The following MIA2 variants were observed in gnomAD, a reference collection of about 807,000 sequenced individuals.
MIA2 encodes melanoma inhibitory activity protein 2.
In MIA2, 127 loss-of-function variants were observed where a neutral mutation model predicts 167.8. That is an observed-to-expected ratio of 0.76 (90% CI 0.66 to 0.88). MIA2 has a LOEUF of 0.88. Ranked by LOEUF, MIA2 falls within the 40% of genes least tolerant of loss-of-function variation. The probability of loss-of-function intolerance (pLI) is 0.00; values close to 1 mark genes in which losing one functional copy is unlikely to be tolerated. For synonymous variants in MIA2, 552 were observed against 541.9 expected, an observed-to-expected ratio of 1.02 and a Z score of -0.26; for missense variants, 1,690 against 1,624.7, an observed-to-expected ratio of 1.04 and a Z score of -0.69.
intron 15 of MIA2, among the ~76,000 whole-genome samples, 200 bp from the exon 16 acceptor site, chr14:39,303,278 G>A (rs2062817754): frequency 6.6e-6 from 1 of 152,082 alleles, no homozygotes. Context: ...TTGTTAAATG[G>A]TATGACACTT....
Position 39,285,589 on chromosome 14 carries a change from G to A in MIA2, c.2131-5430G>A, listed in dbSNP as rs569916042. Among the ~76,000 whole-genome samples, 957 of 146,660 alleles carry A rather than the reference G, an allele frequency of 6.5e-3. 10 individuals are homozygous for A. Among genetic ancestry groups the A allele is most frequent in the African/African-American group, 0.022 (871 of 39,048 alleles). On this transcript the variant is annotated intron_variant, in intron 9 of 28. Transcript: ENST00000640607. The stretch of plus-strand genomic sequence containing the variant: ...GGGCTGACCCCCCGACCTCCCTCCC[G>A]GACGGGGCGGCTGGCCGGGCGGGGG...
chr14:39,288,454 TATATATATATATATATA>T lies in MIA2; in HGVS notation c.2131-2564_2131-2548del, dbSNP rs1437493365. Among the ~76,000 whole-genome samples, 42 of 13,870 alleles carry T rather than the reference TATATATATATATATATA, an allele frequency of 3.0e-3. 2 individuals carry two copies. The highest frequency in any genetic ancestry group is 3.7e-3 in the Non-Finnish European group (18 of 4,842). The allele number at this position is 13,870 out of a possible 152,430, so 9.1% of individuals were successfully genotyped here. A position where few individuals can be genotyped will look rare whatever the true frequency, so the allele number is the denominator to read the frequency against. Reference sequence around the variant, plus strand: ...ATACATATATATATATATATATATATATATATATATATATATATATATTTTTTTTTTTTTTTTTGAGA... The same window carrying T: ...ATACATATATATATATATATATATATTATATTTTTTTTTTTTTTTTTGAGA... On this transcript the variant is annotated intron_variant, in intron 9 of 28. Coordinates refer to ENST00000640607, the MANE Select transcript of MIA2 (RefSeq NM_001329214.4).
intron 11 of MIA2, 93 bp from the exon 12 acceptor site, chr14:39,293,907 G>A (rs956108): frequency 0.27 from 254,010 of 934,208 alleles, 35,927 homozygotes; most frequent in East Asian, 0.49. Flanking sequence ...CACTTATGGA[G>A]CTAAAGTGTT....
At chr14:39,308,272 A>G (rs1438994188) in intron 17 of MIA2, among the ~76,000 whole-genome samples, 177 bp from the exon 18 acceptor site, 1 of 152,154 alleles carries the variant, frequency 6.6e-6, no homozygotes, top group Non-Finnish European at 1.5e-5. Context: ...TTATGTGTCA[A>G]TCAACTAATA....
intron 2 of MIA2, among the ~76,000 whole-genome samples, chr14:39,237,809 T>C (rs1414275989): frequency 6.6e-6 from 1 of 151,968 alleles, no homozygotes. Context: ...GCGCGATCTC[T>C]GCTAACTGCA....
In MIA2 at chr14:39,364,290, A is replaced by T. The variant is rs559726254; in HGVS notation, c.2248+15313A>T. Reference sequence around the variant, plus strand: ...GGAGAATCACTTGAACCCAAGAGGCAGAAGTTGCAGTGAGCTGATATCATC... The same window carrying T: ...GGAGAATCACTTGAACCCAAGAGGCTGAAGTTGCAGTGAGCTGATATCATC... On this transcript the variant is annotated intron_variant, in intron 23 of 23. Coordinates refer to the MIA2 transcript ENST00000341502. 3.9e-5 allele frequency among the ~76,000 whole-genome samples: 6 copies of T among 152,226 alleles called. No individual in the cohort carries two copies. In the South Asian group the frequency reaches 1.2e-3, roughly 32 times the overall value.
chr14:39,262,988 C>T (rs1306015027), intron 6 of MIA2, among the ~76,000 whole-genome samples: 1 of 152,198 alleles, frequency 6.6e-6, no homozygotes, highest in African/African-American at 2.4e-5. Context: ...CCCTCTTTTC[C>T]TAACTGAATA....
At chr14:39,348,619 T>G in intron 27 of MIA2, 124 bp from the exon 28 acceptor site, 4 of 1,364,988 alleles carry the variant, frequency 2.9e-6, no homozygotes, top group South Asian at 2.5e-5. Context: ...AATCTTTCTC[T>G]AGAGCTTTCT....
chr14:39,254,970 C>T (rs2054750594), intron 6 of MIA2, among the ~76,000 whole-genome samples: 1 of 152,140 alleles, frequency 6.6e-6, no homozygotes, highest in Non-Finnish European at 1.5e-5. Flanking sequence ...GTTTCCAGCT[C>T]AGGGACCTGA....
rs1188067204 is a variant in MIA2 at position 39,368,200 on chromosome 14, C to T, written c.2249-18685C>T. On this transcript the variant is annotated intron_variant, in intron 23 of 23. Coordinates refer to the MIA2 transcript ENST00000341502. The stretch of plus-strand genomic sequence containing the variant: ...AGAACACCTGTGAAGGATTAAGGGG[C>T]GAGAGAGCAAAATTAGATTGGAGAG... Among the ~76,000 whole-genome samples the T allele has an allele frequency of 2.6e-5, 4 of 152,170 alleles. No individual in the cohort carries two copies. In the South Asian group the frequency reaches 6.2e-4, roughly 24 times the overall value.
At chr14:39,377,416 T>A (rs2075065711) in intron 23 of MIA2, among the ~76,000 whole-genome samples, 1 of 152,082 alleles carries the variant, frequency 6.6e-6, no homozygotes, top group African/African-American at 2.4e-5. Context: ...AAAGCTTAAT[T>A]TTTAGTGATT....
chr14:39,272,319 T>A (rs930898233), intron 6 of MIA2, among the ~76,000 whole-genome samples: 1 of 152,014 alleles, frequency 6.6e-6, no homozygotes, highest in East Asian at 1.9e-4. Context: ...GCCATTGCAC[T>A]CCATCCTGGG....
chr14:39,307,303 G>A (rs2063497146), intron 17 of MIA2, among the ~76,000 whole-genome samples: 2 of 151,294 alleles, frequency 1.3e-5, no homozygotes, highest in African/African-American at 2.4e-5. Flanking sequence ...CTTTAGTGGC[G>A]TTTAGCTCTA....
intron 6 of MIA2, among the ~76,000 whole-genome samples, chr14:39,271,936 C>T (rs1471982481): frequency 6.6e-6 from 1 of 152,156 alleles, no homozygotes; most frequent in Non-Finnish European, 1.5e-5. Context: ...GAAAGTCCCC[C>T]TGTGTGGCTG....
At chr14:39,268,425 C>T (rs1323386559) in intron 6 of MIA2, among the ~76,000 whole-genome samples, 1 of 150,808 alleles carries the variant, frequency 6.6e-6, no homozygotes, top group African/African-American at 2.5e-5. Flanking sequence ...TGGCCACTAG[C>T]ATCATGTTGT....
intron 3 of MIA2, among the ~76,000 whole-genome samples, chr14:39,245,924 C>G (rs1012928511): frequency 6.6e-6 from 1 of 152,040 alleles, no homozygotes; most frequent in Admixed American, 6.6e-5. Context: ...AGAACCCTAC[C>G]TCAAATCAAG....
At chr14:39,313,497 CTT>C (rs781405478) in intron 19 of MIA2, 56 bp downstream of exon 19, 27 of 937,842 alleles carry the variant, frequency 2.9e-5, no homozygotes, top group Non-Finnish European at 4.2e-5. Context: ...ATCTAAAAAA[CTT>C]AATGCCAGAA....
At chr14:39,283,794 T>G (rs558671222) in intron 9 of MIA2, among the ~76,000 whole-genome samples, 1 of 152,342 alleles carries the variant, frequency 6.6e-6, no homozygotes, top group South Asian at 2.1e-4. Flanking sequence ...TTGGCCATTT[T>G]TATGTCATCT....
chr14:39,330,423 A>T (rs1595707279), intron 25 of MIA2, among the ~76,000 whole-genome samples: 2 of 151,336 alleles, frequency 1.3e-5, no homozygotes, highest in South Asian at 2.1e-4. Context: ...ACACCAGCTC[A>T]TGGATTTTTT....
Sources: allele counts gnomAD v4.1 joint callset (sites outside exome capture counted in the v4.1 genomes callset), GRCh38; gene constraint gnomAD v4.1.1; transcripts MANE v1.5; gene names NCBI Gene and HGNC (gene_info 2026-07-23, HGNC 2026-07-21).